Variants in DDX19B observed in about 807,000 individuals in gnomAD.
DDX19B encodes ATP-dependent RNA helicase DDX19B.
A neutral mutation model predicts 58.1 loss-of-function variants in DDX19B; 27 were observed. The observed-to-expected ratio is 0.46, with a 90% confidence interval of 0.34 to 0.64. The LOEUF is 0.64. Among genes scored for constraint, DDX19B ranks in the 30% least tolerant of loss-of-function variants. The pLI is 0.01. For missense variants in DDX19B, 399 were observed against 596.5 expected, an observed-to-expected ratio of 0.67 and a Z score of 3.45; for synonymous variants, 187 against 214.4, an observed-to-expected ratio of 0.87 and a Z score of 1.12.
intron 7 of DDX19B, among the ~76,000 whole-genome samples, chr16:70,326,302 C>T (rs1370725161): frequency 6.6e-6 from 1 of 152,124 alleles, no homozygotes; most frequent in Non-Finnish European, 1.5e-5. Flanking sequence ...TGGTGAAACC[C>T]CGTATCTAAT....
At chr16:70,299,168 G>A, upstream of DDX19B, 1 of 1,378,364 alleles carries the variant, frequency 7.3e-7, no homozygotes, top group East Asian at 2.9e-5. Flanking sequence ...CGTCACTGTG[G>A]CGCGCCGCTT....
chr16:70,327,701 T>C (rs1027909177), intron 7 of DDX19B, among the ~76,000 whole-genome samples: 7 of 152,034 alleles, frequency 4.6e-5, no homozygotes, highest in Non-Finnish European at 8.8e-5. Context: ...CAGGACTGAA[T>C]TTGTTTAATT....
At chr16:70,314,596 A>C (rs1382435476) in intron 2 of DDX19B, among the ~76,000 whole-genome samples, 1 of 152,098 alleles carries the variant, frequency 6.6e-6, no homozygotes, top group Non-Finnish European at 1.5e-5. Context: ...CCTGGGAGGC[A>C]GAGCTTGTAG....
At chr16:70,318,604 C>T (rs1962574145) in intron 5 of DDX19B, among the ~76,000 whole-genome samples, 1 of 148,422 alleles carries the variant, frequency 6.7e-6, no homozygotes, top group African/African-American at 2.5e-5. Context: ...CCAGGCTGAC[C>T]AACATGGCTA....
rs1963654222 is a variant in DDX19B at position 70,335,143 on chromosome 16, A to G, written c.*1561A>G. 6.6e-6 allele frequency: 1 copy of G among 152,218 alleles called. No individual in the cohort carries two copies. The highest frequency in any genetic ancestry group is 1.5e-5 in the Non-Finnish European group (1 of 68,048). The allele number at this position is 152,218 out of a possible 1,614,324, so 9.4% of individuals were successfully genotyped here. A position where few individuals can be genotyped will look rare whatever the true frequency, so the allele number is the denominator to read the frequency against. ...TCCCCTGGTGGGTACTCGACTATGT[A>G]GTTTTCTCTATGCTTCTGGTCAACT... On this transcript the variant is annotated 3_prime_UTR_variant, in exon 12 of 12. Coordinates refer to ENST00000288071, the MANE Select transcript of DDX19B (RefSeq NM_007242.7).
upstream of DDX19B, among the ~76,000 whole-genome samples, chr16:70,298,218 C>A (rs373060049): frequency 6.6e-5 from 10 of 152,198 alleles, no homozygotes; most frequent in East Asian, 1.2e-3. Context: ...CCATCCTGGC[C>A]AACATGGTGA....
At chr16:70,290,219 A>G (rs903786370), upstream of DDX19B, among the ~76,000 whole-genome samples, 2 of 152,074 alleles carry the variant, frequency 1.3e-5, no homozygotes, top group African/African-American at 4.8e-5. Flanking sequence ...CCTGGTCAAC[A>G]TAACTAGACC....
At chr16:70,307,192 T>C (rs548274713) in intron 1 of DDX19B, among the ~76,000 whole-genome samples, 2 of 152,266 alleles carry the variant, frequency 1.3e-5, no homozygotes, top group African/African-American at 2.4e-5. Flanking sequence ...AATGTACAAG[T>C]TTTTGTGTGG....
At chr16:70,315,932 G>A (rs1962376572) in intron 3 of DDX19B, 37 bp from the exon 4 acceptor site, 5 of 1,605,092 alleles carry the variant, frequency 3.1e-6, no homozygotes, top group African/African-American at 1.3e-5. Context: ...AGGTTTCAAG[G>A]ACTTTTTAAA....
In DDX19B at chr16:70,329,374, C is replaced by T; in HGVS notation, c.690C>T (p.Phe230=). ...TGGACTGGTGCTCCAAGCTCAAGTT[C>T]ATTGATCCCAAGAAAATCAAGGTGT... ...TVLDWCSKLK[F]IDPKKIKVFV... Residue 230 remains phenylalanine, a synonymous_variant, in exon 8 of 12, where the codon TTC becomes TTT. Coordinates refer to ENST00000288071, the MANE Select transcript of DDX19B (RefSeq NM_007242.7). The T allele has an allele frequency of 1.2e-6, 2 of 1,614,098 alleles. No homozygotes were observed. Among genetic ancestry groups the T allele is most frequent in the East Asian group, 4.5e-5 (2 of 44,880 alleles).
At chr16:70,303,436 A>G (rs1028794426) in intron 1 of DDX19B, among the ~76,000 whole-genome samples, 1 of 152,216 alleles carries the variant, frequency 6.6e-6, no homozygotes, top group African/African-American at 2.4e-5. Flanking sequence ...TACAGGCATG[A>G]TAAGTCCTTT....
upstream of DDX19B, among the ~76,000 whole-genome samples, chr16:70,290,950 A>G (rs181768366): frequency 6.6e-6 from 1 of 152,326 alleles, no homozygotes; most frequent in East Asian, 1.9e-4. Context: ...TACACGGGTA[A>G]TAAATTGTGC....
chr16:70,296,034 T>TC (rs1208109253), upstream of DDX19B, among the ~76,000 whole-genome samples: 1 of 146,828 alleles, frequency 6.8e-6, no homozygotes, highest in African/African-American at 2.5e-5. Flanking sequence ...AGACAGAGGC[T>TC]CGCTCTGTTG....
chr16:70,316,026 A>G lies in DDX19B; in HGVS notation c.218A>G (p.Asn73Ser). 6.2e-7 allele frequency: 1 copy of G among 1,614,072 alleles called. No individual in the cohort carries two copies. The highest frequency in any genetic ancestry group is 8.5e-7 in the Non-Finnish European group (1 of 1,180,028). Reference sequence around the variant, plus strand: ...CTGATCAGAAGCAACCTTGTTGATAACACAAACCAAGTGGAAGTCCTGCAG... The same window carrying G: ...CTGATCAGAAGCAACCTTGTTGATAGCACAAACCAAGTGGAAGTCCTGCAG... ...NKLIRSNLVD[N>S]TNQVEVLQRD... Residue 73 changes from asparagine to serine, a missense_variant, in exon 4 of 12, where the codon AAC becomes AGC. Physicochemically the swap from Asn to Ser is conservative, Grantham distance 46. Around this residue, in one of 4 missense-constraint regions of DDX19B, gnomAD observed 132 missense variants for 159.4 expected, o/e 0.83. Transcript: ENST00000288071.
intron 2 of DDX19B, 151 bp downstream of exon 2, chr16:70,312,808 G>T: frequency 1.6e-6 from 1 of 643,902 alleles, no homozygotes; most frequent in South Asian, 1.9e-5. Flanking sequence ...CAACAAACTG[G>T]ATTGTATGAC....
intron 1 of DDX19B, among the ~76,000 whole-genome samples, chr16:70,304,632 C>T (rs1961664717): frequency 6.6e-6 from 1 of 152,224 alleles, no homozygotes. Flanking sequence ...CTTGGCCTCC[C>T]AAAGTGCTGG....
intron 1 of DDX19B, among the ~76,000 whole-genome samples, chr16:70,311,049 T>TTTTTG (rs533844411): frequency 6.8e-6 from 1 of 146,864 alleles, no homozygotes; most frequent in Non-Finnish European, 1.5e-5. Flanking sequence ...AAAAAAGGCT[T>TTTTTG]TTTTGTTTTG....
intron 2 of DDX19B, among the ~76,000 whole-genome samples, chr16:70,313,863 CTTTGGG>C: frequency 6.6e-6 from 1 of 152,192 alleles, no homozygotes; most frequent in Non-Finnish European, 1.5e-5. Context: ...AATCCCAGCA[CTTTGGG>C]AAGCCAAGGC....
At chr16:70,306,712 C>T (rs1242744514) in intron 1 of DDX19B, among the ~76,000 whole-genome samples, 6 of 152,182 alleles carry the variant, frequency 3.9e-5, no homozygotes, top group Non-Finnish European at 8.8e-5. Context: ...TTTTATGAAA[C>T]AGAATCTTGA....
Sources: gnomAD v4.1 joint callset for allele counts (sites outside exome capture counted in the v4.1 genomes callset) on GRCh38, gnomAD v4.1.1 for gene constraint, gnomAD v4.1.1 regional missense constraint, MANE v1.5 for transcripts, NCBI Gene and HGNC (gene_info 2026-07-23, HGNC 2026-07-21) for gene names.